UNC13C: variants seen among roughly 807,000 people sequenced by gnomAD.
UNC13C encodes the protein protein unc-13 homolog C.
A neutral mutation model predicts 245.4 loss-of-function variants in UNC13C; 174 were observed. That is an observed-to-expected ratio of 0.71 (90% CI 0.63 to 0.80). The LOEUF (loss-of-function observed/expected upper bound fraction) is 0.80. UNC13C is among the 30% of genes least tolerant of loss of function. The probability of loss-of-function intolerance (pLI) is 0.00; values close to 1 mark genes in which losing one functional copy is unlikely to be tolerated. For synonymous variants in UNC13C, 992 were observed against 895.1 expected (o/e 1.11, Z -1.93); for missense variants, 2,829 against 2,602.9 (o/e 1.09, Z -1.89).
chr15:54,061,293 TG>T (rs1293269277), intron 2 of UNC13C, among the ~76,000 whole-genome samples: 1 of 152,152 alleles, frequency 6.6e-6, no homozygotes, highest in African/African-American at 2.4e-5. Context: ...GTCTGATTCT[TG>T]GTGGACCTCA....
chr15:54,154,132 T>C (rs1208459116), intron 4 of UNC13C, among the ~76,000 whole-genome samples: 1 of 152,008 alleles, frequency 6.6e-6, no homozygotes, highest in Non-Finnish European at 1.5e-5. Flanking sequence ...GAGCACTAGG[T>C]CTTATTTCCC....
chr15:53,858,893 A>G, the UNC13C span, among the ~76,000 whole-genome samples: 1 of 152,208 alleles, frequency 6.6e-6, no homozygotes, highest in Non-Finnish European at 1.5e-5. Flanking sequence ...TAACTTGGTC[A>G]TAGTCACATG....
At chr15:54,393,983 A>G (rs1450144438) in intron 18 of UNC13C, among the ~76,000 whole-genome samples, 1 of 151,924 alleles carries the variant, frequency 6.6e-6, no homozygotes, top group African/African-American at 2.4e-5. Flanking sequence ...GATTGTCTTG[A>G]CAATATTAGT....
At chr15:54,240,360 C>T (rs1477720469) in intron 7 of UNC13C, among the ~76,000 whole-genome samples, 1 of 152,120 alleles carries the variant, frequency 6.6e-6, no homozygotes, top group Non-Finnish European at 1.5e-5. Flanking sequence ...AATGCTGGAG[C>T]AAATAATTTG....
At chr15:54,230,360 T>A (rs1165783787) in intron 4 of UNC13C, among the ~76,000 whole-genome samples, 1 of 152,084 alleles carries the variant, frequency 6.6e-6, no homozygotes, top group Non-Finnish European at 1.5e-5. Context: ...TGTATTTTTT[T>A]ATATCCTGCT....
intron 19 of UNC13C, among the ~76,000 whole-genome samples, chr15:54,467,703 A>G (rs1417904630): frequency 1.3e-5 from 2 of 151,594 alleles, no homozygotes; most frequent in African/African-American, 4.8e-5. Flanking sequence ...ACTTTTTCAG[A>G]TCCCACGTCT....
intron 30 of UNC13C, among the ~76,000 whole-genome samples, chr15:54,607,105 G>T (rs1030115032): frequency 6.6e-6 from 1 of 152,158 alleles, no homozygotes; most frequent in Non-Finnish European, 1.5e-5. Context: ...AAAAAATTAT[G>T]TAATAAATTT....
At chr15:53,899,238 T>G in the UNC13C span, among the ~76,000 whole-genome samples, 2 of 152,212 alleles carry the variant, frequency 1.3e-5, no homozygotes, top group Admixed American at 1.3e-4. Context: ...GGTCAAAGAA[T>G]TTGATTATTG....
At chr15:54,164,918 CATT>C (rs1267650984) in intron 4 of UNC13C, among the ~76,000 whole-genome samples, 3 of 152,052 alleles carry the variant, frequency 2.0e-5, no homozygotes, top group African/African-American at 7.2e-5. Flanking sequence ...TGATATGTCT[CATT>C]ATATTGTAAA....
chr15:53,899,713 C>G, the UNC13C span, among the ~76,000 whole-genome samples: 2 of 152,132 alleles, frequency 1.3e-5, no homozygotes, highest in Non-Finnish European at 2.9e-5. Flanking sequence ...TACAGGCATG[C>G]GCCACCATGC....
the UNC13C span, among the ~76,000 whole-genome samples, chr15:53,967,512 C>A: frequency 6.6e-6 from 1 of 152,056 alleles, no homozygotes; most frequent in Admixed American, 6.6e-5. Context: ...AAAGCAGACA[C>A]CAGAAGGATT....
intron 18 of UNC13C, among the ~76,000 whole-genome samples, chr15:54,404,956 A>T (rs1006882892): frequency 4.6e-5 from 7 of 152,200 alleles, no homozygotes; most frequent in African/African-American, 1.7e-4. Flanking sequence ...AATACCTAGT[A>T]AGTACAAATA....
chr15:54,458,964 T>G (rs902564898), intron 19 of UNC13C, among the ~76,000 whole-genome samples: 6 of 152,210 alleles, frequency 3.9e-5, no homozygotes, highest in African/African-American at 1.4e-4. Context: ...AGTATCTTTT[T>G]TTCATTGTGT....
chr15:54,495,092 A>G (rs998006070), intron 20 of UNC13C, among the ~76,000 whole-genome samples: 4 of 152,000 alleles, frequency 2.6e-5, no homozygotes, highest in African/African-American at 9.7e-5. Flanking sequence ...TTTCCTTTCT[A>G]TTCAAACTTG....
intron 19 of UNC13C, among the ~76,000 whole-genome samples, chr15:54,478,912 G>A (rs147559493): frequency 0.015 from 2,283 of 152,102 alleles, 49 homozygotes; most frequent in African/African-American, 0.051. Flanking sequence ...ACAGTGGGGT[G>A]TTAAAGTCTC....
intron 14 of UNC13C, 21 bp from the exon 15 acceptor site, chr15:54,332,022 T>C: frequency 6.5e-7 from 1 of 1,530,756 alleles, no homozygotes. Flanking sequence ...CATTCTCCTA[T>C]TTTGTGTTTG....
chr15:53,942,477 TC>T, the UNC13C span, among the ~76,000 whole-genome samples: 1 of 151,764 alleles, frequency 6.6e-6, no homozygotes, highest in African/African-American at 2.4e-5. Flanking sequence ...GATAGGATGA[TC>T]TTTGCAGCAA....
intron 2 of UNC13C, among the ~76,000 whole-genome samples, chr15:54,140,940 G>A (rs897350436): frequency 6.6e-6 from 1 of 152,164 alleles, no homozygotes; most frequent in Non-Finnish European, 1.5e-5. Context: ...CCATAAATAT[G>A]TGTTCAGTGA....
chr15:54,163,346 C>T (rs369797504), intron 4 of UNC13C, among the ~76,000 whole-genome samples: 15 of 152,258 alleles, frequency 9.9e-5, no homozygotes, highest in African/African-American at 1.9e-4. Context: ...TGCCAGATGG[C>T]GCAGAGCCTT....
Sources: gnomAD v4.1 joint callset for allele counts (sites outside exome capture counted in the v4.1 genomes callset) on GRCh38, gnomAD v4.1.1 for gene constraint, MANE v1.5 for transcripts, NCBI Gene and HGNC (gene_info 2026-07-23, HGNC 2026-07-21) for gene names.